Variants in SOD2 observed in about 807,000 individuals in gnomAD.
SOD2 encodes the protein superoxide dismutase [Mn], mitochondrial.
A neutral mutation model predicts 27.0 loss-of-function variants in SOD2; 11 were observed. That is an observed-to-expected ratio of 0.41 (90% CI 0.26 to 0.67). SOD2 has a LOEUF of 0.67. Ranked by LOEUF, SOD2 falls within the 30% of genes least tolerant of loss-of-function variation. The pLI, the probability that SOD2 is intolerant of heterozygous loss-of-function variation, is 0.34. For synonymous variants in SOD2, 105 were observed against 103.0 expected (o/e 1.02, Z -0.12); for missense variants, 250 against 274.5 (o/e 0.91, Z 0.63).
At chr6:159,743,635 T>G in intron 1 of SOD2, 1 of 1,564,282 alleles carries the variant, frequency 6.4e-7, no homozygotes, top group Non-Finnish European at 8.6e-7. Flanking sequence ...ATCTTAAAAT[T>G]GTATTTATAA....
At chr6:159,736,131 T>A (rs534171230) in intron 1 of SOD2, 2 of 979,838 alleles carry the variant, frequency 2.0e-6, no homozygotes, top group Non-Finnish European at 3.0e-6. Context: ...ATTGTTTATT[T>A]AAATTCTAAT....
chr6:159,752,105 A>T (rs1779842123), intron 1 of SOD2, among the ~76,000 whole-genome samples: 1 of 152,078 alleles, frequency 6.6e-6, no homozygotes, highest in Admixed American at 6.5e-5. Flanking sequence ...ACCATGCAAC[A>T]CTTCAAAGAT....
chr6:159,708,110 G>A (rs1777662077), intron 1 of SOD2, among the ~76,000 whole-genome samples: 1 of 152,102 alleles, frequency 6.6e-6, no homozygotes, highest in African/African-American at 2.4e-5. Flanking sequence ...GTATTGATGG[G>A]ACGTATCTCA....
intron 1 of SOD2, chr6:159,725,739 T>C (rs1778149300): frequency 1.3e-5 from 2 of 151,828 alleles, no homozygotes; most frequent in South Asian, 4.1e-4. Context: ...AATAAGCATA[T>C]ACACATAAAT....
intron 1 of SOD2, among the ~76,000 whole-genome samples, chr6:159,720,162 C>A (rs570439182): frequency 1.3e-5 from 2 of 151,780 alleles, no homozygotes; most frequent in South Asian, 2.1e-4. Flanking sequence ...TCCGGAGTAG[C>A]TGGGATTACA....
chr6:159,683,644 A>G (rs1397422151), intron 4 of SOD2, among the ~76,000 whole-genome samples: 1 of 152,236 alleles, frequency 6.6e-6, no homozygotes, highest in Admixed American at 6.5e-5. Flanking sequence ...AAAGGCCATG[A>G]CATTCCCTCA....
chr6:159,756,907 T>C (rs975359757), intron 1 of SOD2, among the ~76,000 whole-genome samples: 1 of 152,130 alleles, frequency 6.6e-6, no homozygotes, highest in Non-Finnish European at 1.5e-5. Flanking sequence ...CCTGGCCCTT[T>C]TTGAGTTTTA....
chr6:159,715,357 C>A (rs552935343), intron 1 of SOD2, among the ~76,000 whole-genome samples: 99 of 152,234 alleles, frequency 6.5e-4, no homozygotes, highest in Non-Finnish European at 1.2e-3. Flanking sequence ...AACAGTAGAA[C>A]CATTGCTTAA....
chr6:159,752,200 GA>G (rs1388860292), intron 1 of SOD2, among the ~76,000 whole-genome samples: 1 of 152,118 alleles, frequency 6.6e-6, no homozygotes, highest in Admixed American at 6.5e-5. Context: ...AGCCTCACTA[GA>G]AGAAGGAAAG....
At chr6:159,727,780 CG>C (rs1778290216), upstream of SOD2, 1 of 960,994 alleles carries the variant, frequency 1.0e-6, no homozygotes, top group Non-Finnish European at 1.2e-6. Context: ...CCGCCCCCGG[CG>C]GGTAAGGGGC....
At chr6:159,750,229 G>A (rs1779768861) in intron 1 of SOD2, among the ~76,000 whole-genome samples, 1 of 152,130 alleles carries the variant, frequency 6.6e-6, no homozygotes, top group Non-Finnish European at 1.5e-5. Context: ...CAGTAGAAAT[G>A]GCCTAAGTAT....
intron 1 of SOD2, among the ~76,000 whole-genome samples, chr6:159,737,416 GTAT>G (rs1164313449): frequency 6.6e-6 from 1 of 152,110 alleles, no homozygotes; most frequent in Non-Finnish European, 1.5e-5. Context: ...TTACTGGTTA[GTAT>G]TATAATTTGA....
intron 2 of SOD2, among the ~76,000 whole-genome samples, chr6:159,689,408 C>G (rs1254094141): frequency 6.6e-6 from 1 of 152,222 alleles, no homozygotes; most frequent in Non-Finnish European, 1.5e-5. Flanking sequence ...TCCTGGCATA[C>G]TGCATGGGTA....
At chr6:159,761,506 C>T (rs866622205) in exon 1 of SOD2, 2 of 456,014 alleles carry the variant, frequency 4.4e-6, no homozygotes, top group Middle Eastern at 6.5e-4. Context: ...GAGCGAATGA[C>T]TGGCGCCAGG....
chr6:159,682,850 A>C (rs542974985), intron 4 of SOD2, among the ~76,000 whole-genome samples: 1 of 152,364 alleles, frequency 6.6e-6, no homozygotes, highest in East Asian at 1.9e-4. Flanking sequence ...AAATGTGACA[A>C]ATACTAACAA....
intron 1 of SOD2, among the ~76,000 whole-genome samples, chr6:159,715,715 C>A (rs1207385998): frequency 6.6e-6 from 1 of 151,860 alleles, no homozygotes; most frequent in Non-Finnish European, 1.5e-5. Flanking sequence ...GCCTGGCCAA[C>A]ATGGTGAGAC....
upstream of SOD2, among the ~76,000 whole-genome samples, chr6:159,731,908 A>AT (rs1778594728): frequency 6.6e-6 from 1 of 152,118 alleles, no homozygotes; most frequent in African/African-American, 2.4e-5. Context: ...TTATCATCTC[A>AT]TTTTTTGCTA....
rs114766465 is a variant in SOD2 at position 159,701,047 on chromosome 6, A to G, written c.-115-8184T>C. On this transcript the variant is annotated intron_variant, in intron 1 of 2. Transcript: ENST00000401980. ...ACTTAAAGCAACTGTCAGGCAAGAC[A>G]ATATGTAAGATTTCCCTGTATTCCA... is the stretch of plus-strand genomic sequence containing the variant. Among the ~76,000 whole-genome samples the G allele has an allele frequency of 6.4e-3, 972 of 152,318 alleles. 12 individuals carry two copies. The highest frequency in any genetic ancestry group is 0.023 in the African/African-American group (938 of 41,572).
chr6:159,697,657 G>A (rs930678722), upstream of SOD2, among the ~76,000 whole-genome samples: 1 of 152,240 alleles, frequency 6.6e-6, no homozygotes, highest in Admixed American at 6.5e-5. Context: ...AGGGCAAAGG[G>A]AGTCGGCATC....
Sources: gnomAD v4.1 joint callset for allele counts (sites outside exome capture counted in the v4.1 genomes callset) on GRCh38, gnomAD v4.1.1 for gene constraint, MANE v1.5 for transcripts, NCBI Gene and HGNC (gene_info 2026-07-23, HGNC 2026-07-21) for gene names.